ZBTB20: variants seen among roughly 807,000 people sequenced by gnomAD.
ZBTB20 encodes the protein zinc finger and BTB domain-containing protein 20.
In ZBTB20, 9 loss-of-function variants were observed where a neutral mutation model predicts 56.9. The ratio of observed to expected loss-of-function variants is 0.16; its 90% CI spans 0.10 to 0.28. The LOEUF (loss-of-function observed/expected upper bound fraction) is 0.28. Ranked by LOEUF, ZBTB20 falls within the 10% of genes least tolerant of loss-of-function variation. ZBTB20 has a pLI of 1.00. For missense variants in ZBTB20, 655 were observed against 1,003.0 expected, an observed-to-expected ratio of 0.65 and a Z score of 4.69; for synonymous variants, 417 against 420.7, an observed-to-expected ratio of 0.99 and a Z score of 0.11.
At chr3:114,695,185 G>C (rs1432762428) in intron 5 of ZBTB20, among the ~76,000 whole-genome samples, 1 of 152,044 alleles carries the variant, frequency 6.6e-6, no homozygotes, top group Admixed American at 6.6e-5. Flanking sequence ...AGAGAAGCTA[G>C]GGTGAAAGAG....
chr3:115,058,887 G>T (rs1348710660), intron 2 of ZBTB20, among the ~76,000 whole-genome samples: 1 of 152,116 alleles, frequency 6.6e-6, no homozygotes, highest in African/African-American at 2.4e-5. Context: ...GATTGTGTGT[G>T]TGCTTCAGAT....
intron 6 of ZBTB20, among the ~76,000 whole-genome samples, chr3:114,553,839 C>A (rs1184663818): frequency 6.6e-6 from 1 of 152,126 alleles, no homozygotes; most frequent in Non-Finnish European, 1.5e-5. Context: ...CTAGGTTCTG[C>A]AAAATAGCTT....
At chr3:115,087,821 A>G (rs1033336530) in intron 1 of ZBTB20, among the ~76,000 whole-genome samples, 1 of 151,946 alleles carries the variant, frequency 6.6e-6, no homozygotes, top group Admixed American at 6.6e-5. Flanking sequence ...CCCACATGCC[A>G]TCAGTTATTT....
intron 6 of ZBTB20, among the ~76,000 whole-genome samples, chr3:114,548,115 T>C (rs567629269): frequency 1.3e-5 from 2 of 152,356 alleles, no homozygotes; most frequent in South Asian, 2.1e-4. Flanking sequence ...TGTTTCTCTG[T>C]AAGAGACACA....
At chr3:114,772,562 T>C (rs2069294440) in intron 5 of ZBTB20, among the ~76,000 whole-genome samples, 1 of 152,098 alleles carries the variant, frequency 6.6e-6, no homozygotes, top group East Asian at 1.9e-4. Flanking sequence ...CTAGTTATTC[T>C]GTTTATCAAA....
intron 6 of ZBTB20, among the ~76,000 whole-genome samples, chr3:114,551,868 C>T (rs1458158328): frequency 6.6e-6 from 1 of 152,138 alleles, no homozygotes; most frequent in Admixed American, 6.5e-5. Flanking sequence ...ATAAAGCTCA[C>T]AGAACTTTTA....
intron 5 of ZBTB20, among the ~76,000 whole-genome samples, chr3:114,787,331 TTATATATATATATATATATATA>T (rs138181405): frequency 3.0e-5 from 3 of 100,604 alleles, no homozygotes; most frequent in African/African-American, 1.6e-4. Context: ...TCTTAAAAGG[TTATATATATATATATATATATA>T]TATATATATA....
At chr3:114,737,550 T>C (rs1000515930) in intron 5 of ZBTB20, among the ~76,000 whole-genome samples, 2 of 152,126 alleles carry the variant, frequency 1.3e-5, no homozygotes, top group Non-Finnish European at 2.9e-5. Context: ...AAACTGCTAT[T>C]CATGGGAATA....
intron 7 of ZBTB20, among the ~76,000 whole-genome samples, chr3:114,389,320 C>A (rs2085536274): frequency 6.6e-6 from 1 of 152,112 alleles, no homozygotes; most frequent in African/African-American, 2.4e-5. Context: ...ACTGCCTGTG[C>A]AGCCTGGGAC....
At chr3:114,704,195 T>C (rs2063572508) in intron 5 of ZBTB20, among the ~76,000 whole-genome samples, 2 of 152,116 alleles carry the variant, frequency 1.3e-5, no homozygotes, top group African/African-American at 4.8e-5. Context: ...CAATGTCAGT[T>C]ACTGATTTCT....
At chr3:114,531,678 A>G (rs1041357106) in intron 6 of ZBTB20, among the ~76,000 whole-genome samples, 2 of 152,188 alleles carry the variant, frequency 1.3e-5, no homozygotes, top group Non-Finnish European at 2.9e-5. Flanking sequence ...AGAAAAGTTT[A>G]AAAAATGACC....
chr3:114,948,384 G>C (rs2076955050), intron 3 of ZBTB20, among the ~76,000 whole-genome samples: 1 of 145,966 alleles, frequency 6.9e-6, no homozygotes, highest in Non-Finnish European at 1.5e-5. Flanking sequence ...TGTTATACTA[G>C]TGGTCCTAGC....
At chr3:114,627,342 G>T (rs963478859) in intron 6 of ZBTB20, among the ~76,000 whole-genome samples, 3 of 152,136 alleles carry the variant, frequency 2.0e-5, no homozygotes, top group Non-Finnish European at 4.4e-5. Flanking sequence ...ATTACTCTGC[G>T]CTTCCAAATA....
At chr3:114,540,766 CCT>C (rs1252376313) in intron 6 of ZBTB20, among the ~76,000 whole-genome samples, 1 of 152,010 alleles carries the variant, frequency 6.6e-6, no homozygotes, top group African/African-American at 2.4e-5. Context: ...CCATTTGCCC[CCT>C]GTGCTTGGCA....
chr3:114,546,142 A>C (rs2049850777), intron 6 of ZBTB20, among the ~76,000 whole-genome samples: 1 of 152,212 alleles, frequency 6.6e-6, no homozygotes, highest in African/African-American at 2.4e-5. Context: ...CATCTTACAC[A>C]GTGGAAAGCG....
rs1322421506 is a variant in ZBTB20 at position 114,357,685 on chromosome 3, T to C, written c.200-5807A>G. Among the ~76,000 whole-genome samples, 7 of 152,330 alleles carry C rather than the reference T, an allele frequency of 4.6e-5. No individual in the cohort carries two copies. The East Asian group carries it at 1.2e-3, about 25-fold the overall frequency. On this transcript the variant is annotated intron_variant, in intron 10 of 11. Coordinates refer to ENST00000675478, the MANE Select transcript of ZBTB20 (RefSeq NM_001348800.3). ...TGTGTTTTCCCCAAATTAAGAGCTG[T>C]GGATTGAGATTCAGGCATCCCTCTT...
chr3:115,069,230 G>A (rs1231638892), intron 2 of ZBTB20, among the ~76,000 whole-genome samples: 1 of 152,150 alleles, frequency 6.6e-6, no homozygotes, highest in African/African-American at 2.4e-5. Context: ...CCAACTATTA[G>A]AATCAGTGTT....
In ZBTB20 at chr3:114,876,092, C is replaced by T. The variant is rs1576193957; in HGVS notation, c.-417+24212G>A. ...TCTACAAAATTTTTTTTAAAATTAG[C>T]GGGGTATGGTGGCATGCACCTGTAG... is the stretch of plus-strand genomic sequence containing the variant. On this transcript the variant is annotated intron_variant, in intron 4 of 11. Transcript: ENST00000675478. 1.3e-5 allele frequency among the ~76,000 whole-genome samples: 2 copies of T among 149,096 alleles called. 1 individual carries two copies. The highest frequency in any genetic ancestry group is 4.3e-4 in the South Asian group (2 of 4,676).
At chr3:115,069,423 C>G (rs376981012) in intron 2 of ZBTB20, among the ~76,000 whole-genome samples, 26 of 152,198 alleles carry the variant, frequency 1.7e-4, no homozygotes, top group African/African-American at 5.8e-4. Flanking sequence ...GTAAGCATTC[C>G]ACACACCTCC....
Sources: gnomAD v4.1 joint callset for allele counts (sites outside exome capture counted in the v4.1 genomes callset) on GRCh38, gnomAD v4.1.1 for gene constraint, MANE v1.5 for transcripts, NCBI Gene and HGNC (gene_info 2026-07-23, HGNC 2026-07-21) for gene names.